The following PITPNM2 variants were observed in gnomAD, a reference collection of about 807,000 sequenced individuals.
PITPNM2 encodes the protein membrane-associated phosphatidylinositol transfer protein 2.
In PITPNM2, 35 loss-of-function variants were observed where a neutral mutation model predicts 132.2. That is an observed-to-expected ratio of 0.26 (90% CI 0.20 to 0.35). The LOEUF (loss-of-function observed/expected upper bound fraction) is 0.35, where lower values mean the gene tolerates loss of function less well. Among genes scored for constraint, PITPNM2 ranks in the 10% least tolerant of loss-of-function variants. The pLI, the probability that PITPNM2 is intolerant of heterozygous loss-of-function variation, is 1.00. For missense variants in PITPNM2, 1,332 were observed against 1,912.0 expected (o/e 0.70, Z 5.66); for synonymous variants, 738 against 799.2 (o/e 0.92, Z 1.29).
At chr12:123,075,315 C>T (rs1330444712) in intron 2 of PITPNM2, among the ~76,000 whole-genome samples, 1 of 152,256 alleles carries the variant, frequency 6.6e-6, no homozygotes, top group African/African-American at 2.4e-5. Flanking sequence ...TTTTTCAAAG[C>T]TAGGCACGGG....
In PITPNM2 at chr12:122,986,054, C is replaced by T. The variant is rs1035269388; in HGVS notation, c.4023G>A (p.Glu1341=). ...CWGRAMTGRL[E]PGAAAGPK ...ACTTGGGGCCCGCGGCTGCCCCCGGCTCCAGGCGGCCAGTCATGGCGCGGC... is the reference window on the plus strand; with the variant it reads ...ACTTGGGGCCCGCGGCTGCCCCCGGTTCCAGGCGGCCAGTCATGGCGCGGC... Residue 1341 remains glutamate (E), a synonymous_variant, in exon 26 of 26, where the codon GAG becomes GAA. Transcript: ENST00000320201. The T allele has an allele frequency of 5.0e-6, 7 of 1,413,486 alleles. No homozygotes were observed. The highest frequency in any genetic ancestry group is 1.5e-5 in the African/African-American group (1 of 65,872). 87.6% of individuals were successfully genotyped at this position (1,413,486 alleles called of 1,614,324 possible). A position where few individuals can be genotyped will look rare whatever the true frequency, so the allele number is the denominator to read the frequency against.
chr12:123,011,467 T>C (rs543327880), intron 5 of PITPNM2, among the ~76,000 whole-genome samples: 10 of 152,326 alleles, frequency 6.6e-5, no homozygotes, highest in Admixed American at 2.6e-4. Flanking sequence ...TCTGGCAGTG[T>C]CAGGGCTGCC....
At chr12:123,112,391 T>A (rs973773028) in intron 1 of PITPNM2, among the ~76,000 whole-genome samples, 30 of 152,182 alleles carry the variant, frequency 2.0e-4, no homozygotes, top group Admixed American at 5.9e-4. Context: ...CTGGGGTTTG[T>A]TGCATGTAAT....
intron 1 of PITPNM2, among the ~76,000 whole-genome samples, chr12:123,122,923 T>C (rs1038596223): frequency 7.9e-5 from 12 of 152,204 alleles, no homozygotes; most frequent in Non-Finnish European, 2.9e-5. Flanking sequence ...ACTCACACAT[T>C]GTAAGTGGGA....
chr12:122,991,856 C>G (rs752261677), intron 16 of PITPNM2: 1 of 1,307,700 alleles, frequency 7.6e-7, no homozygotes, highest in East Asian at 2.8e-5. Context: ...GGCCAGGGGG[C>G]CGCCCTCCAG....
At chr12:123,061,979 G>A (rs752176620) in intron 2 of PITPNM2, among the ~76,000 whole-genome samples, 15 of 152,130 alleles carry the variant, frequency 9.9e-5, no homozygotes, top group African/African-American at 1.4e-4. Context: ...CAGGAACTAC[G>A]GTGTAGAGGT....
intron 3 of PITPNM2, among the ~76,000 whole-genome samples, chr12:123,029,486 T>C (rs944637701): frequency 2.0e-5 from 3 of 152,176 alleles, no homozygotes; most frequent in African/African-American, 7.2e-5. Context: ...CTGGGGAGAC[T>C]GAGGCAGAGG....
intron 3 of PITPNM2, among the ~76,000 whole-genome samples, chr12:123,033,550 G>T (rs955061435): frequency 2.6e-5 from 4 of 152,204 alleles, no homozygotes; most frequent in Non-Finnish European, 5.9e-5. Flanking sequence ...GTCTGTAAGT[G>T]AGCCACATGT....
At chr12:123,146,613 A>T (rs1023349537) in intron 1 of PITPNM2, among the ~76,000 whole-genome samples, 61 of 152,026 alleles carry the variant, frequency 4.0e-4, no homozygotes, top group African/African-American at 1.3e-3. Flanking sequence ...AATAATTTTT[A>T]AAAAATACAA....
intron 2 of PITPNM2, among the ~76,000 whole-genome samples, chr12:123,071,564 C>A (rs1328329507): frequency 6.6e-6 from 1 of 152,214 alleles, no homozygotes; most frequent in Admixed American, 6.5e-5. Context: ...GCTAAGACAC[C>A]GCACTGGCTC....
intron 1 of PITPNM2, among the ~76,000 whole-genome samples, chr12:123,132,586 C>T (rs2043291404): frequency 1.3e-5 from 2 of 151,500 alleles, no homozygotes; most frequent in African/African-American, 4.9e-5. Flanking sequence ...AGGACATCCA[C>T]AATGTTGTAC....
Position 123,005,177 on chromosome 12 carries a change from T to C in PITPNM2, c.952+63A>G. ...CTGAGGAGGTGCAGTGATCCAGCAG[T>C]GTGTGGGGCTGCCTTGAGGGGAGGG... On this transcript the variant is annotated intron_variant, in intron 7 of 25. Coordinates refer to ENST00000320201, the MANE Select transcript of PITPNM2 (RefSeq NM_020845.3). This position sits in a 1 kb window ranked among gnomAD's most constrained non-coding sequence, Gnocchi z 6.2. The C allele has an allele frequency of 6.5e-7, 1 of 1,532,866 alleles. No homozygotes were observed. Among genetic ancestry groups the C allele is most frequent in the Admixed American group, 1.8e-5 (1 of 54,208 alleles). 95.0% of individuals were successfully genotyped at this position (1,532,866 alleles called of 1,614,324 possible).
At chr12:123,120,481 C>T (rs2043013404) in intron 1 of PITPNM2, among the ~76,000 whole-genome samples, 3 of 152,210 alleles carry the variant, frequency 2.0e-5, no homozygotes, top group Admixed American at 1.3e-4. Context: ...TGACCACAGA[C>T]CTCTCATATG....
chr12:123,047,910 C>T (rs1341188157), intron 2 of PITPNM2, among the ~76,000 whole-genome samples: 1 of 152,086 alleles, frequency 6.6e-6, no homozygotes, highest in Non-Finnish European at 1.5e-5. Flanking sequence ...ACCATCCTGG[C>T]CAACATGGTG....
intron 3 of PITPNM2, among the ~76,000 whole-genome samples, chr12:123,029,695 G>A (rs546705221): frequency 2.6e-5 from 4 of 151,408 alleles, no homozygotes; most frequent in Non-Finnish European, 5.9e-5. Flanking sequence ...GCACATATGT[G>A]TGCATGTTGT....
intron 1 of PITPNM2, among the ~76,000 whole-genome samples, chr12:123,141,093 C>T (rs2137658402): frequency 6.6e-6 from 1 of 152,190 alleles, no homozygotes; most frequent in South Asian, 2.1e-4. Context: ...TGACCAAACA[C>T]AAGCATGAAC....
intron 1 of PITPNM2, among the ~76,000 whole-genome samples, chr12:123,120,253 A>G (rs940828196): frequency 7.2e-5 from 11 of 152,324 alleles, no homozygotes; most frequent in South Asian, 2.1e-4. Context: ...TTTGACTCCA[A>G]CTGGCTGTGA....
Position 123,008,371 on chromosome 12 carries a change from C to A in PITPNM2, c.643+1479G>T, listed in dbSNP as rs531594708. ...GAGAAGCCTTGAGGAGAGGGTGGGA[C>A]GAGTCACCAGCGCTGATGTGTTCAG... On this transcript the variant is annotated intron_variant, in intron 6 of 25. Coordinates refer to ENST00000320201, the MANE Select transcript of PITPNM2 (RefSeq NM_020845.3). This position sits in a 1 kb window ranked among gnomAD's most constrained non-coding sequence, Gnocchi z 4.1. Among the ~76,000 whole-genome samples the A allele has an allele frequency of 6.6e-6, 1 of 152,150 alleles. No homozygotes were observed. Among genetic ancestry groups the A allele is most frequent in the Non-Finnish European group, 1.5e-5 (1 of 68,024 alleles).
chr12:123,111,809 C>A lies in PITPNM2; in HGVS notation c.-199-1321G>T, dbSNP rs2042841245. On this transcript the variant is annotated intron_variant, in intron 1 of 25. Transcript: ENST00000320201. The surrounding 1 kb of genome is among the most constrained non-coding windows in gnomAD (Gnocchi z 4.1). ...CCCACAGCAGAGTGGATGCAGGTCC[C>A]AGCCCTCCCAGTGACCATGAGCAAG... Among the ~76,000 whole-genome samples the A allele has an allele frequency of 6.6e-6, 1 of 152,254 alleles. No individual in the cohort carries two copies. Among genetic ancestry groups the A allele is most frequent in the South Asian group, 2.1e-4 (1 of 4,834 alleles).
Sources: gnomAD v4.1 joint callset for allele counts (sites outside exome capture counted in the v4.1 genomes callset) on GRCh38, gnomAD v4.1.1 for gene constraint, Gnocchi (gnomAD v3.1) non-coding constraint, MANE v1.5 for transcripts, NCBI Gene and HGNC (gene_info 2026-07-23, HGNC 2026-07-21) for gene names.